PCDH15: variants seen among roughly 807,000 people sequenced by gnomAD.
PCDH15 encodes the protein protocadherin-15.
A neutral mutation model predicts 178.5 loss-of-function variants in PCDH15; 129 were observed. The observed-to-expected ratio is 0.72, with a 90% CI of 0.63 to 0.84. The LOEUF is 0.84. Among genes scored for constraint, PCDH15 ranks in the 40% least tolerant of loss-of-function variants. PCDH15 has a pLI of 0.00. For synonymous variants in PCDH15, 800 were observed against 732.0 expected (o/e 1.09, Z -1.50); for missense variants, 2,230 against 2,099.9 (o/e 1.06, Z -1.21).
chr10:53,816,925 C>G (rs971079106), intron 34 of PCDH15, among the ~76,000 whole-genome samples: 1 of 152,156 alleles, frequency 6.6e-6, no homozygotes, highest in African/African-American at 2.4e-5. Context: ...AAAGCTAATA[C>G]AGTCACCATT....
At chr10:54,381,661 G>T (rs1025233699) in intron 3 of PCDH15, among the ~76,000 whole-genome samples, 1 of 152,056 alleles carries the variant, frequency 6.6e-6, no homozygotes, top group Non-Finnish European at 1.5e-5. Flanking sequence ...TAGTGGTAAC[G>T]AGACATATTT....
At chr10:54,813,679 C>A (rs902326335) in intron 3 of PCDH15, among the ~76,000 whole-genome samples, 2 of 152,200 alleles carry the variant, frequency 1.3e-5, no homozygotes, top group Non-Finnish European at 2.9e-5. Context: ...TTCTTCAAGA[C>A]TACAGCAATC....
rs976322996 is a variant in PCDH15 at position 54,236,910 on chromosome 10, C to A, written c.898G>T (p.Val300Phe). Residue 300 changes from valine to phenylalanine, a missense_variant, in exon 9 of 38, where the codon GTT (valine) becomes TTT (phenylalanine). Physicochemically the swap from Val to Phe is conservative, Grantham distance 50. Coordinates refer to ENST00000644397, the MANE Select transcript of PCDH15 (RefSeq NM_001384140.1). ...RTPEELNPII[V>F]TPPIQAIDQD... ...TCAATGGCTTGGATTGGTGGCGTAA[C>A]AATAATGGGGTTCAGTTCTTCCTGA... 6.2e-7 allele frequency: 1 copy of A among 1,613,032 alleles called. No individual in the cohort carries two copies. Among genetic ancestry groups the A allele is most frequent in the African/African-American group, 1.3e-5 (1 of 74,840 alleles).
chr10:54,737,416 G>A (rs1184870117), intron 1 of PCDH15, among the ~76,000 whole-genome samples: 1 of 152,100 alleles, frequency 6.6e-6, no homozygotes, highest in East Asian at 1.9e-4. Context: ...TTCTAAGAAT[G>A]TATAATGGAA....
rs545247987 is a variant in PCDH15, at chr10:55,246,749, T to C, written c.-156+72850A>G. Among the ~76,000 whole-genome samples, 12 of 152,258 alleles carry C rather than the reference T, an allele frequency of 7.9e-5. No homozygotes were observed. In the South Asian group the frequency reaches 1.9e-3, roughly 24 times the overall value. The stretch of plus-strand genomic sequence containing the variant: ...AATCATTTATTACAGATGAACTTAG[T>C]GGAGAGGTTAAGACATTTGTAGGTT... On this transcript the variant is annotated intron_variant, in intron 1 of 5. Coordinates refer to the PCDH15 transcript ENST00000458638.
chr10:53,959,198 G>C (rs563680650), intron 23 of PCDH15, among the ~76,000 whole-genome samples: 1 of 147,854 alleles, frequency 6.8e-6, no homozygotes, highest in African/African-American at 2.5e-5. Flanking sequence ...TATACACACA[G>C]TATATATATA....
chr10:53,837,110 G>A (rs1372333425), intron 29 of PCDH15, among the ~76,000 whole-genome samples: 3 of 151,790 alleles, frequency 2.0e-5, no homozygotes, highest in South Asian at 2.1e-4. Context: ...GGGCGGGGGA[G>A]GGGAGCAGAG....
intron 1 of PCDH15, among the ~76,000 whole-genome samples, chr10:54,798,359 A>C (rs901904072): frequency 5.9e-5 from 9 of 152,096 alleles, no homozygotes; most frequent in Non-Finnish European, 8.8e-5. Flanking sequence ...GTTAACGACA[A>C]CAACAAAATC....
intron 2 of PCDH15, among the ~76,000 whole-genome samples, chr10:54,948,385 T>C (rs1317908022): frequency 6.6e-6 from 1 of 151,922 alleles, no homozygotes; most frequent in African/African-American, 2.4e-5. Flanking sequence ...CCCACCCACA[T>C]TAGAGAGGTC....
intron 1 of PCDH15, among the ~76,000 whole-genome samples, chr10:55,283,175 T>C: frequency 6.6e-6 from 1 of 152,108 alleles, no homozygotes; most frequent in East Asian, 1.9e-4. Context: ...GTTTGAGATA[T>C]TTCGCAGACC....
chr10:54,144,035 T>A (rs2043656427), intron 14 of PCDH15, among the ~76,000 whole-genome samples: 1 of 151,774 alleles, frequency 6.6e-6, no homozygotes, highest in Admixed American at 6.6e-5. Context: ...GGCCTGAAGC[T>A]TCTTTTGCAA....
In PCDH15 at chr10:55,492,677, G is replaced by A. The variant is rs140493444; in HGVS notation, c.-156+134948C>T. Among the ~76,000 whole-genome samples the A allele has an allele frequency of 4.0e-5, 6 of 151,770 alleles. No homozygotes were observed. The East Asian group carries it at 5.9e-4, about 15-fold the overall frequency. The stretch of plus-strand genomic sequence containing the variant: ...ATAATAACAGCAACAAAAGTGTGAC[G>A]AGTGCACGGGGAAAAAATGCAGGCA... On this transcript the variant is annotated intron_variant, in intron 2 of 5. Coordinates refer to the PCDH15 transcript ENST00000613346.
intron 15 of PCDH15, among the ~76,000 whole-genome samples, chr10:54,114,072 G>A (rs566231229): frequency 9.9e-5 from 15 of 152,220 alleles, no homozygotes; most frequent in African/African-American, 2.6e-4. Context: ...CCCACAACAC[G>A]TGGGGATTAT....
At position 55,195,085 on chromosome 10, in the gene PCDH15, G is replaced by A. The variant is rs185368978; in HGVS notation, c.-155-28434C>T. Among the ~76,000 whole-genome samples, 609 of 150,216 alleles carry A rather than the reference G, an allele frequency of 4.1e-3. 6 individuals are homozygous for A. The highest frequency in any genetic ancestry group is 0.014 in the African/African-American group (590 of 40,754). On this transcript the variant is annotated intron_variant, in intron 1 of 5. Transcript: ENST00000458638. ...GTGGCCCAGGCTGGAGTGCACTGGTGGGATCTCGGCTCACTGCAACCTCTG... is the reference window on the plus strand; with the variant it reads ...GTGGCCCAGGCTGGAGTGCACTGGTAGGATCTCGGCTCACTGCAACCTCTG...
intron 2 of PCDH15, among the ~76,000 whole-genome samples, chr10:54,920,363 G>A (rs1476411032): frequency 3.3e-5 from 5 of 150,568 alleles, no homozygotes; most frequent in Non-Finnish European, 7.4e-5. Context: ...CCAGCTACTC[G>A]GGAGATGAGG....
chr10:54,340,267 T>C (rs2134059635), intron 6 of PCDH15, among the ~76,000 whole-genome samples: 1 of 152,330 alleles, frequency 6.6e-6, no homozygotes, highest in Admixed American at 6.5e-5. Flanking sequence ...CTTTTTATTG[T>C]TGTCATTGGC....
At chr10:54,480,905 TAA>T (rs2078668003) in intron 3 of PCDH15, among the ~76,000 whole-genome samples, 1 of 151,938 alleles carries the variant, frequency 6.6e-6, no homozygotes, top group Non-Finnish European at 1.5e-5. Context: ...ACAGCAGATA[TAA>T]GACAGTGATT....
At chr10:54,538,856 G>A (rs933488492) in intron 2 of PCDH15, among the ~76,000 whole-genome samples, 3 of 152,164 alleles carry the variant, frequency 2.0e-5, no homozygotes, top group African/African-American at 7.2e-5. Flanking sequence ...GTCTCAGGTA[G>A]TTCTTTATAA....
intron 20 of PCDH15, among the ~76,000 whole-genome samples, chr10:54,014,235 A>T (rs1309879418): frequency 6.6e-6 from 1 of 152,078 alleles, no homozygotes; most frequent in African/African-American, 2.4e-5. Context: ...CTGAATCCCT[A>T]AACAGACCAA....
Sources: gnomAD v4.1 joint callset for allele counts (sites outside exome capture counted in the v4.1 genomes callset) on GRCh38, gnomAD v4.1.1 for gene constraint, MANE v1.5 for transcripts, NCBI Gene and HGNC (gene_info 2026-07-23, HGNC 2026-07-21) for gene names.